Variants in STK10 observed in about 807,000 individuals in gnomAD.
STK10 encodes serine/threonine kinase 10, also known as serine/threonine-protein kinase 10.
STK10 carries 78 observed loss-of-function variants against 113.8 expected under a neutral mutation model. The observed-to-expected ratio is 0.69, with a 90% CI of 0.57 to 0.83. The LOEUF is 0.83. Among genes scored for constraint, STK10 ranks in the 40% least tolerant of loss-of-function variants. The probability of loss-of-function intolerance (pLI) is 0.00; values close to 1 mark genes in which losing one functional copy is unlikely to be tolerated. For synonymous variants in STK10, 465 were observed against 494.7 expected (o/e 0.94, Z 0.80); for missense variants, 1,109 against 1,280.1 (o/e 0.87, Z 2.04).
chr5:172,145,853 G>A (rs1326351650), intron 2 of STK10, among the ~76,000 whole-genome samples: 2 of 152,186 alleles, frequency 1.3e-5, no homozygotes, highest in Non-Finnish European at 2.9e-5. Context: ...ACAGCCATTA[G>A]TAGCATGTCC....
At chr5:172,051,044 T>C (rs771602788) in intron 18 of STK10, among the ~76,000 whole-genome samples, 17 of 147,356 alleles carry the variant, frequency 1.2e-4, no homozygotes, top group Non-Finnish European at 2.1e-4. Context: ...ACCTGGGAGG[T>C]GGAGGTTGCA....
In STK10 at chr5:172,106,680, A is replaced by G; in HGVS notation, c.728T>C (p.Met243Thr). 2 of 1,613,916 alleles carry G rather than the reference A, an allele frequency of 1.2e-6. No individual in the cohort carries two copies. Among genetic ancestry groups the G allele is most frequent in the South Asian group, 2.2e-5 (2 of 91,074 alleles). The part of the protein sequence containing the change: ...IEPPHHELNP[M>T]RVLLKIAKSD... ...CTTGGCGATCTTTAGCAGGACCCGC[A>G]TGGGGTTGAGCTCGTGGTGTGGCGG... Residue 243 changes from methionine (M) to threonine (T), a missense_variant, in exon 6 of 19, where the codon ATG becomes ACG. Around this residue, in one of 5 missense-constraint regions of STK10, gnomAD observed 885 missense variants for 991.1 expected, o/e 0.89. Transcript: ENST00000176763.
Position 172,188,010 on chromosome 5 carries a change from G to C in STK10, c.33C>G (p.Arg11=), listed in dbSNP as rs769229150. The change falls in exon 1 of 19, where the codon CGC becomes CGG. Residue 11 remains arginine (R), a synonymous_variant. Transcript: ENST00000176763. The surrounding 1 kb of genome is among the most constrained non-coding windows in gnomAD (Gnocchi z 5.6). ...ACTTTCTCTTCTCGAAGGTAGACAGGCGCAGGATGCGGCGGAAATTGGCAA... is the reference window on the plus strand; with the variant it reads ...ACTTTCTCTTCTCGAAGGTAGACAGCCGCAGGATGCGGCGGAAATTGGCAA... MAFANFRRIL[R]LSTFEKRKSR... The C allele has an allele frequency of 2.5e-6, 4 of 1,613,222 alleles. No individual in the cohort carries two copies. The South Asian group carries it at 4.4e-5, about 18-fold the overall frequency.
chr5:172,123,226 G>C (rs1769552649), intron 3 of STK10, among the ~76,000 whole-genome samples: 1 of 152,104 alleles, frequency 6.6e-6, no homozygotes, highest in Admixed American at 6.5e-5. Context: ...CTGCAGGAAG[G>C]TCAACACTAA....
At chr5:172,067,960 A>G (rs574088318) in intron 12 of STK10, among the ~76,000 whole-genome samples, 1 of 152,364 alleles carries the variant, frequency 6.6e-6, no homozygotes, top group East Asian at 1.9e-4. Flanking sequence ...GTGACATATT[A>G]ACACAGGAAA....
chr5:172,170,322 AC>A (rs1770645791), intron 1 of STK10, among the ~76,000 whole-genome samples: 1 of 151,840 alleles, frequency 6.6e-6, no homozygotes, highest in Non-Finnish European at 1.5e-5. Context: ...GAAAGATGGC[AC>A]CTCTTTACCT....
chr5:172,070,065 T>G (rs1254983264), intron 12 of STK10, among the ~76,000 whole-genome samples: 1 of 152,104 alleles, frequency 6.6e-6, no homozygotes, highest in Non-Finnish European at 1.5e-5. Context: ...CTGGCCAACA[T>G]GGTGAAACCC....
intron 2 of STK10, among the ~76,000 whole-genome samples, chr5:172,132,872 A>T (rs886229105): frequency 6.6e-6 from 1 of 152,164 alleles, no homozygotes; most frequent in Non-Finnish European, 1.5e-5. Flanking sequence ...CAGCTGAGGG[A>T]GATATAGAAA....
chr5:172,176,522 A>T (rs1770761847), intron 1 of STK10, among the ~76,000 whole-genome samples: 1 of 152,022 alleles, frequency 6.6e-6, no homozygotes, highest in Non-Finnish European at 1.5e-5. Flanking sequence ...TTCAGCATGG[A>T]CCACCTTAGT....
chr5:172,181,971 G>C (rs1029763690), intron 1 of STK10, among the ~76,000 whole-genome samples: 1 of 152,010 alleles, frequency 6.6e-6, no homozygotes, highest in Non-Finnish European at 1.5e-5. Context: ...GCTGCTATTT[G>C]TTTGGTAAAC....
At chr5:172,092,974 G>A (rs1051090081) in intron 9 of STK10, 2 of 160,486 alleles carry the variant, frequency 1.2e-5, no homozygotes, top group East Asian at 1.8e-4. Flanking sequence ...TACAGGGTTC[G>A]CCTCAAGCCC....
intron 10 of STK10, among the ~76,000 whole-genome samples, chr5:172,083,486 A>C (rs984398892): frequency 6.6e-6 from 1 of 152,222 alleles, no homozygotes; most frequent in Non-Finnish European, 1.5e-5. Context: ...GATGTAGAAA[A>C]TTTGATGGTA....
Position 172,054,687 on chromosome 5 carries a change from TG to T in STK10, c.2533del (p.Gln845SerfsTer33). Reference protein sequence around the residue: ...EQREKIKQFSQQEEKRQKSER... With the variant: ...EQREKIKQFSXQEEKRQKSER... Reference sequence around the variant, plus strand: ...CGACTTCTGCCTCTTCTCCTCCTGCTGGGAGAACTGCACCAGAGAGAGGGTG... The same window carrying T: ...CGACTTCTGCCTCTTCTCCTCCTGCTGGAGAACTGCACCAGAGAGAGGGTG... On this transcript the variant is annotated frameshift_variant, in exon 17 of 19. Coordinates refer to ENST00000176763, the MANE Select transcript of STK10 (RefSeq NM_005990.4). LOFTEE classifies it high-confidence loss of function. 6.2e-7 allele frequency: 1 copy of T among 1,609,450 alleles called. No individual in the cohort carries two copies.
At chr5:172,106,534 G>A in intron 6 of STK10, 86 bp downstream of exon 6, 1 of 1,395,792 alleles carries the variant, frequency 7.2e-7, no homozygotes, top group Non-Finnish European at 9.5e-7. Context: ...CGCTACCACT[G>A]CACCTCCCCA....
chr5:172,090,935 TAAAAAAAAAAAAAAAA>T (rs547251159), intron 9 of STK10, among the ~76,000 whole-genome samples: 1 of 46,098 alleles, frequency 2.2e-5, no homozygotes. Context: ...ACTCCGTCTC[TAAAAAAAAAAAAAAAA>T]AAAAAAAAAA....
chr5:172,045,107 G>A, intron 18 of STK10, 85 bp from the exon 19 acceptor site: 1 of 1,556,814 alleles, frequency 6.4e-7, no homozygotes, highest in Non-Finnish European at 8.7e-7. Flanking sequence ...CCACTGACAT[G>A]GCCTTCTCTG....
chr5:172,156,858 G>C, intron 1 of STK10, 70 bp from the exon 2 acceptor site: 1 of 1,539,898 alleles, frequency 6.5e-7, no homozygotes, highest in Non-Finnish European at 8.8e-7. Flanking sequence ...ACGTGAGCCC[G>C]CAGTCCTGCA....
At chr5:172,067,787 A>G (rs1238331485) in intron 12 of STK10, among the ~76,000 whole-genome samples, 2 of 152,130 alleles carry the variant, frequency 1.3e-5, no homozygotes, top group Non-Finnish European at 2.9e-5. Context: ...ATAGAGAGAA[A>G]AAAAGATGAA....
In STK10 at chr5:172,043,037, G is replaced by A. The variant is rs971540181; in HGVS notation, c.*1845C>T. The A allele has an allele frequency of 2.6e-5, 4 of 151,984 alleles. No homozygotes were observed. The highest frequency in any genetic ancestry group is 1.5e-5 in the Non-Finnish European group (1 of 68,016). The allele number at this position is 151,984 out of a possible 1,614,324, so 9.4% of individuals were successfully genotyped here. On this transcript the variant is annotated 3_prime_UTR_variant, in exon 19 of 19. Transcript: ENST00000176763. The stretch of plus-strand genomic sequence containing the variant: ...AGGTTGAAGCGGGAGAATCAGTTGA[G>A]CCACGAGTTTGAGATCAGCTTGGGC...
Sources: gnomAD v4.1 joint callset for allele counts (sites outside exome capture counted in the v4.1 genomes callset) on GRCh38, gnomAD v4.1.1 for gene constraint, gnomAD v4.1.1 regional missense constraint, Gnocchi (gnomAD v3.1) non-coding constraint, MANE v1.5 for transcripts, NCBI Gene and HGNC (gene_info 2026-07-23, HGNC 2026-07-21) for gene names.